Variants in TMEM117 observed in about 807,000 individuals in gnomAD.
TMEM117 encodes transmembrane protein 117.
TMEM117 carries 27 observed loss-of-function variants against 52.4 expected under a neutral mutation model. The ratio of observed to expected loss-of-function variants is 0.51; its 90% CI spans 0.38 to 0.71. The LOEUF is 0.71. Ranked by LOEUF, TMEM117 falls within the 30% of genes least tolerant of loss-of-function variation. The probability of loss-of-function intolerance (pLI) is 0.00; values close to 1 mark genes in which losing one functional copy is unlikely to be tolerated. For missense variants in TMEM117, 556 were observed against 630.5 expected, an observed-to-expected ratio of 0.88 and a Z score of 1.26; for synonymous variants, 215 against 206.3, an observed-to-expected ratio of 1.04 and a Z score of -0.36.
intron 6 of TMEM117, among the ~76,000 whole-genome samples, chr12:44,325,793 C>A (rs942242250): frequency 6.6e-6 from 1 of 151,998 alleles, no homozygotes; most frequent in East Asian, 1.9e-4. Context: ...TGTGTCCATG[C>A]GTGTATACAA....
chr12:44,247,766 A>C (rs1426514415), intron 5 of TMEM117, among the ~76,000 whole-genome samples: 1 of 152,214 alleles, frequency 6.6e-6, no homozygotes, highest in East Asian at 1.9e-4. Flanking sequence ...CACAGGAAGG[A>C]ACTTTCAGAG....
At chr12:44,173,171 G>A (rs1363324404) in intron 4 of TMEM117, among the ~76,000 whole-genome samples, 2 of 152,194 alleles carry the variant, frequency 1.3e-5, no homozygotes, top group South Asian at 2.1e-4. Flanking sequence ...TGCCTCCCAG[G>A]GTCAAGTGAT....
intron 3 of TMEM117, among the ~76,000 whole-genome samples, chr12:44,038,971 T>C (rs1946755938): frequency 6.6e-6 from 1 of 152,196 alleles, no homozygotes; most frequent in Non-Finnish European, 1.5e-5. Context: ...TACTCACAAT[T>C]CACCACCTCC....
chr12:44,341,668 G>A (rs541748356), intron 6 of TMEM117, among the ~76,000 whole-genome samples: 1 of 152,188 alleles, frequency 6.6e-6, no homozygotes, highest in East Asian at 1.9e-4. Context: ...GAACATGTTA[G>A]GAGAGACAAC....
chr12:43,935,257 T>G (rs1455978854), intron 2 of TMEM117, among the ~76,000 whole-genome samples: 2 of 152,204 alleles, frequency 1.3e-5, no homozygotes, highest in African/African-American at 4.8e-5. Flanking sequence ...ACAAAAATAG[T>G]CATATCATGT....
chr12:44,178,190 C>T (rs1234271824), intron 4 of TMEM117, among the ~76,000 whole-genome samples: 1 of 152,040 alleles, frequency 6.6e-6, no homozygotes, highest in Admixed American at 6.6e-5. Flanking sequence ...TAATTTAGCC[C>T]AATATTACAT....
At chr12:44,375,385 T>C (rs1951927796) in intron 6 of TMEM117, among the ~76,000 whole-genome samples, 1 of 152,182 alleles carries the variant, frequency 6.6e-6, no homozygotes, top group Non-Finnish European at 1.5e-5. Flanking sequence ...TATTTATTTC[T>C]TTTTAGCAGC....
chr12:44,206,161 G>A (rs538946982), intron 4 of TMEM117, among the ~76,000 whole-genome samples: 26 of 152,144 alleles, frequency 1.7e-4, no homozygotes, highest in African/African-American at 4.1e-4. Context: ...TGTGCACAAC[G>A]TTAGATTAGC....
At chr12:44,003,829 T>C (rs1484224233) in intron 3 of TMEM117, among the ~76,000 whole-genome samples, 1 of 152,188 alleles carries the variant, frequency 6.6e-6, no homozygotes, top group Non-Finnish European at 1.5e-5. Flanking sequence ...GGACATATGA[T>C]TTTTCTCTTT....
rs74345559 is a variant in TMEM117, at chr12:43,991,664, A to G, written c.410+47322A>G. 5.4e-3 allele frequency among the ~76,000 whole-genome samples: 825 copies of G among 152,292 alleles called. 11 individuals are homozygous for G. Among genetic ancestry groups the G allele is most frequent in the African/African-American group, 0.019 (772 of 41,542 alleles). On this transcript the variant is annotated intron_variant, in intron 3 of 7. Transcript: ENST00000266534. ...CTTAGGAAAGAGACTGCTACATAAT[A>G]TATGCTCAGTAAATATTAGTTCTAA...
At chr12:43,853,686 A>C (rs559302710) in intron 2 of TMEM117, among the ~76,000 whole-genome samples, 1 of 152,350 alleles carries the variant, frequency 6.6e-6, no homozygotes, top group East Asian at 1.9e-4. Flanking sequence ...AAAAGACAAG[A>C]TATATATGCA....
chr12:44,380,543 T>C (rs1018517737), intron 7 of TMEM117, among the ~76,000 whole-genome samples: 3 of 152,214 alleles, frequency 2.0e-5, no homozygotes, highest in Non-Finnish European at 4.4e-5. Context: ...ATACATGGGC[T>C]CTAGCTTTGC....
chr12:44,025,452 G>A (rs1278229917), intron 3 of TMEM117, among the ~76,000 whole-genome samples: 3 of 152,114 alleles, frequency 2.0e-5, no homozygotes, highest in Non-Finnish European at 4.4e-5. Flanking sequence ...AACTCTATAG[G>A]TTAATGAAAG....
intron 5 of TMEM117, among the ~76,000 whole-genome samples, chr12:44,273,798 A>C (rs1950478512): frequency 6.6e-6 from 1 of 152,088 alleles, no homozygotes; most frequent in Non-Finnish European, 1.5e-5. Context: ...TCCTCAAAAA[A>C]CTGGGTATAG....
intron 3 of TMEM117, among the ~76,000 whole-genome samples, chr12:44,124,990 G>T (rs1444395908): frequency 6.6e-6 from 1 of 152,146 alleles, no homozygotes; most frequent in Admixed American, 6.5e-5. Context: ...AATGGTACCA[G>T]CTCTTTTTTG....
At chr12:43,947,071 T>C (rs572302931) in intron 3 of TMEM117, among the ~76,000 whole-genome samples, 6 of 152,320 alleles carry the variant, frequency 3.9e-5, no homozygotes, top group African/African-American at 1.2e-4. Context: ...TGGTGACTTA[T>C]GCCTATAATC....
chr12:44,006,908 T>C (rs1249126319), intron 3 of TMEM117, among the ~76,000 whole-genome samples: 2 of 152,238 alleles, frequency 1.3e-5, no homozygotes, highest in Non-Finnish European at 2.9e-5. Flanking sequence ...CCTCATAATT[T>C]TGTATTCTTT....
chr12:43,949,872 T>G (rs1382149005), intron 3 of TMEM117, among the ~76,000 whole-genome samples: 2 of 152,180 alleles, frequency 1.3e-5, no homozygotes, highest in Non-Finnish European at 2.9e-5. Context: ...GTTTTGTGAT[T>G]TTAATATACA....
chr12:44,319,316 C>T (rs1951101120), intron 6 of TMEM117, among the ~76,000 whole-genome samples: 1 of 152,194 alleles, frequency 6.6e-6, no homozygotes, highest in Non-Finnish European at 1.5e-5. Flanking sequence ...GTCCCCAAGC[C>T]TCACCCCAAG....
Sources: gnomAD v4.1 joint callset for allele counts (sites outside exome capture counted in the v4.1 genomes callset) on GRCh38, gnomAD v4.1.1 for gene constraint, MANE v1.5 for transcripts, NCBI Gene and HGNC (gene_info 2026-07-23, HGNC 2026-07-21) for gene names.